Variants in PTPRG observed in about 807,000 individuals in gnomAD.
PTPRG encodes the protein protein tyrosine phosphatase receptor type G, also known as receptor-type tyrosine-protein phosphatase gamma.
In PTPRG, 102 loss-of-function variants were observed where a neutral mutation model predicts 165.3. The observed-to-expected ratio is 0.62, with a 90% CI of 0.53 to 0.73. PTPRG has a LOEUF of 0.73. Among genes scored for constraint, PTPRG ranks in the 30% least tolerant of loss-of-function variants. PTPRG has a pLI of 0.00. For synonymous variants in PTPRG, 675 were observed against 669.5 expected, an observed-to-expected ratio of 1.01 and a Z score of -0.13; for missense variants, 1,866 against 1,861.4, an observed-to-expected ratio of 1.00 and a Z score of -0.05.
intron 2 of PTPRG, among the ~76,000 whole-genome samples, chr3:61,809,161 A>G (rs1657461911): frequency 6.7e-6 from 1 of 150,358 alleles, no homozygotes; most frequent in South Asian, 2.1e-4. Flanking sequence ...TATTATTATC[A>G]CGGTGGGGGA....
At position 62,086,423 on chromosome 3, in the gene PTPRG, A is replaced by G. The variant is rs190430841; in HGVS notation, c.615+8165A>G. Among the ~76,000 whole-genome samples, 200 of 152,274 alleles carry G rather than the reference A, an allele frequency of 1.3e-3. 9 individuals carry two copies. In the South Asian group the frequency reaches 0.025, roughly 19 times the overall value. On this transcript the variant is annotated intron_variant, in intron 5 of 29. Transcript: ENST00000474889. ...CCCAGACCCCCAGAAAAAAACAAGAACTATTTTTGAGTCTGAGAAAATTGA... is the reference window on the plus strand; with the variant it reads ...CCCAGACCCCCAGAAAAAAACAAGAGCTATTTTTGAGTCTGAGAAAATTGA...
chr3:62,112,252 G>A (rs572468908), intron 5 of PTPRG, among the ~76,000 whole-genome samples: 20 of 151,980 alleles, frequency 1.3e-4, no homozygotes, highest in South Asian at 2.1e-4. Context: ...TTACAGGCAC[G>A]CACCACCATG....
intron 2 of PTPRG, among the ~76,000 whole-genome samples, chr3:61,965,587 A>G (rs546073283): frequency 3.3e-5 from 5 of 151,292 alleles, no homozygotes; most frequent in Non-Finnish European, 7.4e-5. Context: ...CTTCTAAAGC[A>G]CTTGCAAAAA....
intron 8 of PTPRG, among the ~76,000 whole-genome samples, chr3:62,186,448 G>A (rs1444068612): frequency 2.6e-5 from 4 of 152,124 alleles, no homozygotes; most frequent in Non-Finnish European, 5.9e-5. Flanking sequence ...TAGGTGGTGA[G>A]GACAGAGGGT....
chr3:62,269,926 G>A (rs1260398217), intron 20 of PTPRG, among the ~76,000 whole-genome samples: 1 of 151,936 alleles, frequency 6.6e-6, no homozygotes, highest in Non-Finnish European at 1.5e-5. Context: ...ACATATCTAT[G>A]ATAAAATTTA....
At chr3:61,720,322 C>T (rs1300785038) in intron 1 of PTPRG, among the ~76,000 whole-genome samples, 1 of 152,080 alleles carries the variant, frequency 6.6e-6, no homozygotes, top group Non-Finnish European at 1.5e-5. Flanking sequence ...TGGGGTTTCA[C>T]CATGTTGACC....
intron 2 of PTPRG, among the ~76,000 whole-genome samples, chr3:61,812,364 C>T (rs973444732): frequency 3.3e-5 from 5 of 152,128 alleles, no homozygotes; most frequent in African/African-American, 9.7e-5. Flanking sequence ...ACCTTCTTTT[C>T]AGGATGTGAT....
Position 62,233,622 on chromosome 3 carries a change from A to G in PTPRG, c.2375+2311A>G. Reference sequence around the variant, plus strand: ...AGCCCCCAGTGATAGCTAAATTGCAACCCTCCAAACAGCTACAAGAGCTGT... The same window carrying G: ...AGCCCCCAGTGATAGCTAAATTGCAGCCCTCCAAACAGCTACAAGAGCTGT... On this transcript the variant is annotated intron_variant, in intron 14 of 29. Coordinates refer to ENST00000474889, the MANE Select transcript of PTPRG (RefSeq NM_002841.4). This position sits in a 1 kb window ranked among gnomAD's most constrained non-coding sequence, Gnocchi z 4.7. 6.6e-6 allele frequency among the ~76,000 whole-genome samples: 1 copy of G among 151,946 alleles called. No homozygotes were observed. The highest frequency in any genetic ancestry group is 1.9e-4 in the East Asian group (1 of 5,174).
At chr3:62,061,351 T>C (rs1461159154) in intron 4 of PTPRG, among the ~76,000 whole-genome samples, 1 of 152,202 alleles carries the variant, frequency 6.6e-6, no homozygotes, top group Non-Finnish European at 1.5e-5. Flanking sequence ...ATGTTTTCTA[T>C]ATCCACTAAC....
intron 2 of PTPRG, among the ~76,000 whole-genome samples, chr3:61,975,878 G>A (rs183624431): frequency 4.6e-5 from 7 of 152,142 alleles, no homozygotes; most frequent in South Asian, 2.1e-4. Flanking sequence ...CCATTTTTAC[G>A]TTTTCACTGA....
intron 8 of PTPRG, among the ~76,000 whole-genome samples, chr3:62,185,755 G>A (rs997496330): frequency 6.6e-6 from 1 of 152,144 alleles, no homozygotes; most frequent in African/African-American, 2.4e-5. Flanking sequence ...GTGTGTCCAC[G>A]TACTTGCCAT....
intron 2 of PTPRG, among the ~76,000 whole-genome samples, chr3:61,884,086 A>G (rs1223133228): frequency 1.3e-5 from 2 of 152,172 alleles, no homozygotes; most frequent in African/African-American, 4.8e-5. Flanking sequence ...TCCATGACAT[A>G]CTTAGGACAT....
intron 1 of PTPRG, among the ~76,000 whole-genome samples, chr3:61,671,070 T>C (rs1410795581): frequency 6.6e-6 from 1 of 151,882 alleles, no homozygotes; most frequent in Non-Finnish European, 1.5e-5. Context: ...TAAAAAATCT[T>C]CGGCATCTCT....
At chr3:62,225,124 G>T (rs1030258630) in intron 13 of PTPRG, among the ~76,000 whole-genome samples, 1 of 152,292 alleles carries the variant, frequency 6.6e-6, no homozygotes, top group African/African-American at 2.4e-5. Flanking sequence ...AGTTTTCACA[G>T]TGTGCCATTT....
At chr3:61,586,067 T>C (rs887231077) in intron 1 of PTPRG, among the ~76,000 whole-genome samples, 1 of 152,250 alleles carries the variant, frequency 6.6e-6, no homozygotes, top group Non-Finnish European at 1.5e-5. Context: ...AAATTATTAA[T>C]GCATTTTGTT....
intron 5 of PTPRG, among the ~76,000 whole-genome samples, chr3:62,106,086 T>C (rs1170378271): frequency 9.2e-5 from 14 of 152,230 alleles, no homozygotes; most frequent in Admixed American, 9.2e-4. Context: ...ATTTTCATGG[T>C]GACCTTACTA....
At chr3:61,914,500 G>C (rs1396514723) in intron 2 of PTPRG, among the ~76,000 whole-genome samples, 1 of 152,196 alleles carries the variant, frequency 6.6e-6, no homozygotes, top group Non-Finnish European at 1.5e-5. Flanking sequence ...AGCAGTGTAG[G>C]AGGCAGATAC....
At chr3:61,783,394 C>A (rs1195235400) in intron 2 of PTPRG, among the ~76,000 whole-genome samples, 2 of 152,110 alleles carry the variant, frequency 1.3e-5, no homozygotes, top group Non-Finnish European at 2.9e-5. Flanking sequence ...TTCCTAGGAA[C>A]TAAAATACTT....
intron 4 of PTPRG, among the ~76,000 whole-genome samples, chr3:62,056,678 C>T (rs532097947): frequency 1.3e-5 from 2 of 152,132 alleles, no homozygotes; most frequent in African/African-American, 4.8e-5. Flanking sequence ...GTTGTGACAA[C>T]CAAAAATGTT....
Sources: gnomAD v4.1 joint callset for allele counts (sites outside exome capture counted in the v4.1 genomes callset) on GRCh38, gnomAD v4.1.1 for gene constraint, Gnocchi (gnomAD v3.1) non-coding constraint, MANE v1.5 for transcripts, NCBI Gene and HGNC (gene_info 2026-07-23, HGNC 2026-07-21) for gene names.